The following CAMK2A variants were observed in gnomAD, a reference collection of about 807,000 sequenced individuals.
CAMK2A encodes calcium/calmodulin-dependent protein kinase type II subunit alpha.
A neutral mutation model predicts 79.2 loss-of-function variants in CAMK2A; 7 were observed. That is an observed-to-expected ratio of 0.09 (90% CI 0.05 to 0.17). CAMK2A has a LOEUF of 0.17. CAMK2A is among the 10% of genes least tolerant of loss of function. CAMK2A has a pLI of 1.00. For synonymous variants in CAMK2A, 242 were observed against 251.7 expected, an observed-to-expected ratio of 0.96 and a Z score of 0.36; for missense variants, 214 against 646.4, an observed-to-expected ratio of 0.33 and a Z score of 7.25.
intron 13 of CAMK2A, among the ~76,000 whole-genome samples, chr5:150,242,428 C>G (rs1755389067): frequency 1.3e-5 from 2 of 152,210 alleles, no homozygotes; most frequent in African/African-American, 2.4e-5. Context: ...AGCTTCACAT[C>G]TCTGCCATTC....
At chr5:150,287,815 C>T (rs897068264) in intron 1 of CAMK2A, among the ~76,000 whole-genome samples, 5 of 152,120 alleles carry the variant, frequency 3.3e-5, no homozygotes, top group African/African-American at 1.2e-4. Context: ...CATTTTGTTC[C>T]TGCCCCTACC....
intron 15 of CAMK2A, among the ~76,000 whole-genome samples, chr5:150,233,361 C>T (rs571080771): frequency 6.6e-6 from 1 of 152,302 alleles, no homozygotes; most frequent in Admixed American, 6.5e-5. Context: ...CCAGCACCGC[C>T]CCTGGCACAT....
At chr5:150,261,228 C>T (rs964641142) in intron 3 of CAMK2A, among the ~76,000 whole-genome samples, 2 of 152,220 alleles carry the variant, frequency 1.3e-5, no homozygotes, top group Admixed American at 6.5e-5. Flanking sequence ...GAATTCAGCC[C>T]CTACGTTTGC....
At chr5:150,250,432 A>T (rs1408785712) in intron 10 of CAMK2A, 123 bp from the exon 11 acceptor site, 3 of 881,148 alleles carry the variant, frequency 3.4e-6, no homozygotes, top group Non-Finnish European at 3.7e-6. Context: ...AGAACGATTC[A>T]TTGCTCTAGG....
intron 12 of CAMK2A, 48 bp downstream of exon 12, chr5:150,247,724 A>T: frequency 6.5e-7 from 1 of 1,530,130 alleles, no homozygotes; most frequent in African/African-American, 1.4e-5. Context: ...GGTGCCCCCA[A>T]CGAACTGGTG....
chr5:150,245,128 G>A (rs773594688), intron 13 of CAMK2A, 33 bp downstream of exon 13: 20 of 1,610,314 alleles, frequency 1.2e-5, no homozygotes, highest in Non-Finnish European at 1.6e-5. Context: ...CGCTGCCAGA[G>A]CCAAGCCCTG....
chr5:150,260,561 G>A (rs1301526509), intron 3 of CAMK2A, among the ~76,000 whole-genome samples: 1 of 152,144 alleles, frequency 6.6e-6, no homozygotes, highest in African/African-American at 2.4e-5. Context: ...CCTTTGGTAA[G>A]TTGGTGCATC....
intron 15 of CAMK2A, chr5:150,238,156 A>G (rs1755167106): frequency 1.9e-5 from 3 of 155,362 alleles, no homozygotes; most frequent in Non-Finnish European, 4.3e-5. Context: ...ATATCCTCTA[A>G]CATAAGAAAA....
intron 3 of CAMK2A, among the ~76,000 whole-genome samples, chr5:150,260,721 C>T (rs1174705688): frequency 1.3e-5 from 2 of 152,180 alleles, no homozygotes; most frequent in Non-Finnish European, 2.9e-5. Flanking sequence ...TAGCACGTAT[C>T]ATTAAATGTT....
intron 16 of CAMK2A, among the ~76,000 whole-genome samples, chr5:150,230,885 A>G (rs1055729707): frequency 6.6e-6 from 1 of 152,216 alleles, no homozygotes; most frequent in Non-Finnish European, 1.5e-5. Context: ...ATCTGAGGTC[A>G]GAGGTCCAAG....
At chr5:150,272,126 C>G (rs558793540) in intron 2 of CAMK2A, among the ~76,000 whole-genome samples, 89 of 152,300 alleles carry the variant, frequency 5.8e-4, no homozygotes, top group African/African-American at 1.9e-3. Flanking sequence ...GTGCCAGGTG[C>G]TGTCCTAGGT....
intron 2 of CAMK2A, among the ~76,000 whole-genome samples, chr5:150,269,715 C>T (rs956309854): frequency 2.0e-5 from 3 of 152,056 alleles, no homozygotes; most frequent in African/African-American, 4.8e-5. Context: ...AGGAGACACA[C>T]AAGCCAGGAG....
rs1754297671 is a variant in CAMK2A at position 150,221,333 on chromosome 5, C to T, written c.*1377G>A. ...AAGAGAGAATGCGAACCCGAGGCTG[C>T]AGGATGAGGCATGAAGAGTAGAAAT... On this transcript the variant is annotated 3_prime_UTR_variant, in exon 19 of 19. Transcript: ENST00000671881. The T allele has an allele frequency of 2.5e-6, 1 of 397,938 alleles. No individual in the cohort carries two copies. Among genetic ancestry groups the T allele is most frequent in the Non-Finnish European group, 4.4e-6 (1 of 225,912 alleles). The allele number at this position is 397,938 out of a possible 1,614,324, so 24.7% of individuals were successfully genotyped here. A position where few individuals can be genotyped will look rare whatever the true frequency, so the allele number is the denominator to read the frequency against.
rs763794315 is a variant in CAMK2A, at chr5:150,228,194, T to G, written c.1235A>C (p.Asn412Thr). 11 of 1,610,236 alleles carry G rather than the reference T, an allele frequency of 6.8e-6. No homozygotes were observed. Among genetic ancestry groups the G allele is most frequent in the Non-Finnish European group, 9.3e-6 (11 of 1,178,054 alleles). ...GLDFHRFYFE[N>T]LWSRNSKPVH... is the part of the protein sequence containing the mutation. Reference sequence around the variant, plus strand: ...CACAGAGAGAAGGAATTGCTCACGGTTTTCAAAATAGAATCGATGGAAGTC... The same window carrying G: ...CACAGAGAGAAGGAATTGCTCACGGGTTTCAAAATAGAATCGATGGAAGTC... Residue 412 changes from asparagine to threonine, a missense_variant and splice_region_variant, in exon 17 of 19, where the codon AAC (asparagine) becomes ACC (threonine). Physicochemically the swap from Asn to Thr is moderately conservative, Grantham distance 65. Coordinates refer to ENST00000671881, the MANE Select transcript of CAMK2A (RefSeq NM_015981.4).
chr5:150,289,531 A>C, intron 1 of CAMK2A, 33 bp downstream of exon 1: 1 of 1,583,794 alleles, frequency 6.3e-7, no homozygotes. Context: ...CCCGCCCCCC[A>C]TGCCTTCCAG....
chr5:150,262,612 C>T (rs1012254934), intron 3 of CAMK2A, among the ~76,000 whole-genome samples: 1 of 152,148 alleles, frequency 6.6e-6, no homozygotes, highest in South Asian at 2.1e-4. Flanking sequence ...ATGCACCTGA[C>T]ATCAGGTGAA....
At chr5:150,275,922 C>A (rs1756926816) in intron 1 of CAMK2A, among the ~76,000 whole-genome samples, 1 of 152,146 alleles carries the variant, frequency 6.6e-6, no homozygotes, top group South Asian at 2.1e-4. Flanking sequence ...GCCCCCCTCC[C>A]CTCCCTGAGA....
At chr5:150,224,302 C>T (rs1267669581) in intron 17 of CAMK2A, among the ~76,000 whole-genome samples, 4 of 152,104 alleles carry the variant, frequency 2.6e-5, no homozygotes, top group Admixed American at 2.0e-4. Flanking sequence ...TTGTGTAGCC[C>T]GAATATAGGT....
intron 9 of CAMK2A, among the ~76,000 whole-genome samples, 182 bp downstream of exon 9, chr5:150,251,568 G>C (rs947071306): frequency 1.3e-5 from 2 of 152,200 alleles, no homozygotes; most frequent in Admixed American, 6.5e-5. Context: ...GCTGCTTCTT[G>C]CCTTCTGGGG....
Sources: allele counts gnomAD v4.1 joint callset (sites outside exome capture counted in the v4.1 genomes callset), GRCh38; gene constraint gnomAD v4.1.1; transcripts MANE v1.5; gene names NCBI Gene and HGNC (gene_info 2026-07-23, HGNC 2026-07-21).